NR1H2: variants seen among roughly 807,000 people sequenced by gnomAD.
NR1H2 encodes oxysterols receptor LXR-beta.
A neutral mutation model predicts 51.2 loss-of-function variants in NR1H2; 33 were observed. The observed-to-expected ratio is 0.64, with a 90% CI of 0.49 to 0.86. The LOEUF is 0.86. Ranked by LOEUF, NR1H2 falls within the 40% of genes least tolerant of loss-of-function variation. NR1H2 has a pLI of 0.00. For synonymous variants in NR1H2, 310 were observed against 264.3 expected (o/e 1.17, Z -1.68); for missense variants, 592 against 639.9 (o/e 0.93, Z 0.81).
At chr19:50,379,343 A>G (rs997846366) in intron 7 of NR1H2, among the ~76,000 whole-genome samples, 162 bp downstream of exon 7, 1 of 152,240 alleles carries the variant, frequency 6.6e-6, no homozygotes, top group Non-Finnish European at 1.5e-5. Context: ...TCTGAGGCTG[A>G]GAAAATTGAG....
intron 1 of NR1H2, 26 bp from the exon 2 acceptor site, chr19:50,376,693 T>C (rs73932486): frequency 0.017 from 2,651 of 152,414 alleles, 68 homozygotes; most frequent in African/African-American, 0.058. Context: ...CCCTCGGTAA[T>C]TCGCGCCTCC....
chr19:50,382,465 C>T lies in NR1H2; in HGVS notation c.1246C>T (p.Arg416Cys), dbSNP rs772703025. 2.2e-5 allele frequency: 35 copies of T among 1,600,642 alleles called. No homozygotes were observed. The highest frequency in any genetic ancestry group is 2.9e-5 in the Non-Finnish European group (34 of 1,176,012). The change falls in exon 10 of 10, where the codon CGC becomes TGC. Residue 416 changes from arginine (R) to cysteine (C), a missense_variant. Arg to Cys is a radical substitution (Grantham distance 180). Coordinates refer to ENST00000253727, the MANE Select transcript of NR1H2 (RefSeq NM_007121.7). ...CTGCCTCCTCCCTCAGGACCAGCTG[C>T]GCTTCCCGCGCATGCTCATGAAGCT... ...TRIKRPQDQL[R>C]FPRMLMKLVS... is the part of the protein sequence containing the mutation.
At chr19:50,381,680 T>A (rs1361400810) in intron 8 of NR1H2, among the ~76,000 whole-genome samples, 1 of 152,120 alleles carries the variant, frequency 6.6e-6, no homozygotes, top group Admixed American at 6.5e-5. Flanking sequence ...GAATAGGGAC[T>A]CGGGAAGCTG....
chr19:50,381,205 C>T (rs958109866), intron 8 of NR1H2, among the ~76,000 whole-genome samples: 2 of 152,224 alleles, frequency 1.3e-5, no homozygotes, highest in African/African-American at 4.8e-5. Context: ...CCAGGACCTT[C>T]CCAGTTTTAA....
chr19:50,382,248 T>G, intron 9 of NR1H2, 74 bp downstream of exon 9: 2 of 1,403,640 alleles, frequency 1.4e-6, no homozygotes, highest in Non-Finnish European at 1.9e-6. Flanking sequence ...GGCTGGGTTC[T>G]GCCAGCCACA....
intron 8 of NR1H2, among the ~76,000 whole-genome samples, chr19:50,381,372 A>G (rs771377508): frequency 2.0e-5 from 3 of 152,162 alleles, no homozygotes; most frequent in South Asian, 2.1e-4. Context: ...AAATAGAACC[A>G]TGGCTCAGCA....
chr19:50,379,704 AT>A, intron 7 of NR1H2, 75 bp from the exon 8 acceptor site: 1 of 896,880 alleles, frequency 1.1e-6, no homozygotes. Flanking sequence ...TTAGACCCCC[AT>A]TTGGGCCAGG....
intron 9 of NR1H2, 130 bp downstream of exon 9, chr19:50,382,304 G>C (rs138652203): frequency 3.6e-5 from 48 of 1,339,700 alleles, no homozygotes; most frequent in African/African-American, 3.5e-4. Context: ...CACCCTGCTC[G>C]ACTGGGAGCC....
intron 4 of NR1H2, 109 bp downstream of exon 4, chr19:50,377,979 T>C: frequency 5.5e-6 from 8 of 1,454,452 alleles, no homozygotes; most frequent in Non-Finnish European, 7.3e-6. Context: ...TTGTTCTTGC[T>C]TTCTCCTTAA....
At chr19:50,380,027 T>C (rs1157658156) in intron 8 of NR1H2, 148 bp downstream of exon 8, 4 of 655,886 alleles carry the variant, frequency 6.1e-6, no homozygotes, top group South Asian at 1.7e-5. Flanking sequence ...TAAGAGTGCA[T>C]GTGCCACGTG....
At chr19:50,378,120 T>C (rs1210269197) in intron 4 of NR1H2, 29 bp from the exon 5 acceptor site, 1 of 1,582,416 alleles carries the variant, frequency 6.3e-7, no homozygotes, top group African/African-American at 1.4e-5. Flanking sequence ...CCTTGTGGCT[T>C]TCTCATGGCC....
rs746240712 is a variant in NR1H2 at position 50,382,870 on chromosome 19, C to G, written c.*268C>G. 2 of 377,704 alleles carry G rather than the reference C, an allele frequency of 5.3e-6. No individual in the cohort carries two copies. Among genetic ancestry groups the G allele is most frequent in the African/African-American group, 2.1e-5 (1 of 47,870 alleles). The allele number at this position is 377,704 out of a possible 1,614,324, so 23.4% of individuals were successfully genotyped here. On this transcript the variant is annotated 3_prime_UTR_variant, in exon 10 of 10. Transcript: ENST00000253727. Reference sequence around the variant, plus strand: ...CCCAGCTTACACCTCAAGCCCAGCACGCAGTGCACCTTGAACAGAGGGAGG... The same window carrying G: ...CCCAGCTTACACCTCAAGCCCAGCAGGCAGTGCACCTTGAACAGAGGGAGG...
In NR1H2 at chr19:50,379,839, G is replaced by GT. The variant is rs2037736853; in HGVS notation, c.987_988insT (p.Lys330Ter). The GT allele has an allele frequency of 6.2e-7, 1 of 1,613,980 alleles. No individual in the cohort carries two copies. The highest frequency in any genetic ancestry group is 1.7e-5 in the Admixed American group (1 of 60,006). ...ACGAGACAGAGTGTATCACCTTCTT[G>GT]AAGGACTTCACCTACAGCAAGGACG... On this transcript the variant is annotated frameshift_variant, in exon 8 of 10. Coordinates refer to ENST00000253727, the MANE Select transcript of NR1H2 (RefSeq NM_007121.7). LOFTEE classifies it high-confidence loss of function.
intron 8 of NR1H2, among the ~76,000 whole-genome samples, chr19:50,381,335 C>CG (rs1166652508): frequency 6.6e-6 from 1 of 152,234 alleles, no homozygotes; most frequent in Non-Finnish European, 1.5e-5. Flanking sequence ...TCACCCAGAG[C>CG]GCAGCCTTCC....
chr19:50,377,643 T>A lies in NR1H2; in HGVS notation c.38T>A (p.Leu13Gln). 1.9e-6 allele frequency: 3 copies of A among 1,613,724 alleles called. No homozygotes were observed. Among genetic ancestry groups the A allele is most frequent in the Non-Finnish European group, 2.5e-6 (3 of 1,179,762 alleles). The change falls in exon 3 of 10, where the codon CTG (leucine) becomes CAG (glutamine). Residue 13 changes from leucine to glutamine, a missense_variant. Coordinates refer to ENST00000253727, the MANE Select transcript of NR1H2 (RefSeq NM_007121.7). Reference sequence around the variant, plus strand: ...ACCACGAGTTCCCTGGATACCCCCCTGCCTGGTGAGTGACTCTCTTCCCCA... The same window carrying A: ...ACCACGAGTTCCCTGGATACCCCCCAGCCTGGTGAGTGACTCTCTTCCCCA... ...SPTTSSLDTP[L>Q]PGNGPPQPGA...
rs577104946 is a variant in NR1H2 at position 50,379,761 on chromosome 19, C to T, written c.928-19C>T. ...AAGGGTCACAGGGCTCAAGCTCCCCCTCCCGCTGCCGCCCTTAGATCATGC... is the reference window on the plus strand; with the variant it reads ...AAGGGTCACAGGGCTCAAGCTCCCCTTCCCGCTGCCGCCCTTAGATCATGC... On this transcript the variant is annotated intron_variant, in intron 7 of 9. Coordinates refer to ENST00000253727, the MANE Select transcript of NR1H2 (RefSeq NM_007121.7). 2 of 1,566,388 alleles carry T rather than the reference C, an allele frequency of 1.3e-6. No individual in the cohort carries two copies. Among genetic ancestry groups the T allele is most frequent in the Non-Finnish European group, 8.8e-7 (1 of 1,136,596 alleles).
rs781002868 is a variant in NR1H2, at chr19:50,379,845, C to T, written c.993C>T (p.Asp331=). 2 of 1,614,014 alleles carry T rather than the reference C, an allele frequency of 1.2e-6. No homozygotes were observed. Among genetic ancestry groups the T allele is most frequent in the East Asian group, 2.2e-5 (1 of 44,884 alleles). Residue 331 remains aspartate (D), a synonymous_variant, in exon 8 of 10, where the codon GAC becomes GAT. Transcript: ENST00000253727. ...HETECITFLK[D]FTYSKDDFHR... Reference sequence around the variant, plus strand: ...CAGAGTGTATCACCTTCTTGAAGGACTTCACCTACAGCAAGGACGACTTCC... The same window carrying T: ...CAGAGTGTATCACCTTCTTGAAGGATTTCACCTACAGCAAGGACGACTTCC...
rs771930920 is a variant in NR1H2 at position 50,382,120 on chromosome 19, G to A, written c.1182G>A (p.Leu394=). ...AGGAGCCGGGCCGCGTGGAGGCGTT[G>A]CAGCAGCCCTACGTGGAGGCGCTGC... The part of the protein sequence containing the change: ...NVQEPGRVEA[L]QQPYVEALLS... The change falls in exon 9 of 10, where the codon TTG becomes TTA. Residue 394 remains leucine (L), a synonymous_variant. Coordinates refer to ENST00000253727, the MANE Select transcript of NR1H2 (RefSeq NM_007121.7). 1.3e-6 allele frequency: 2 copies of A among 1,545,148 alleles called. No individual in the cohort carries two copies. The highest frequency in any genetic ancestry group is 1.4e-5 in the African/African-American group (1 of 73,188).
rs1470433491 is a variant in NR1H2 at position 50,378,771 on chromosome 19, CCTT to C, written c.725_727del (p.Phe242del). On this transcript the variant is annotated inframe_deletion, in exon 6 of 10. Coordinates refer to ENST00000253727, the MANE Select transcript of NR1H2 (RefSeq NM_007121.7). ...GCCCAACTGCAGTGCAACAAACGCT[CCTT>C]CTCCGACCAGCCCAAAGTCACGGTA... is the stretch of plus-strand genomic sequence containing the variant. The C allele has an allele frequency of 1.2e-6, 2 of 1,613,612 alleles. No individual in the cohort carries two copies. Among genetic ancestry groups the C allele is most frequent in the Non-Finnish European group, 1.7e-6 (2 of 1,180,014 alleles).
Sources: allele counts gnomAD v4.1 joint callset (sites outside exome capture counted in the v4.1 genomes callset), GRCh38; gene constraint gnomAD v4.1.1; transcripts MANE v1.5; gene names NCBI Gene and HGNC (gene_info 2026-07-23, HGNC 2026-07-21).